The following MYO1C variants were observed in gnomAD, a reference collection of about 807,000 sequenced individuals.
MYO1C encodes unconventional myosin-Ic.
MYO1C carries 104 observed loss-of-function variants against 150.8 expected under a neutral mutation model. The observed-to-expected ratio is 0.69, with a 90% CI of 0.59 to 0.81. The LOEUF is 0.81. Among genes scored for constraint, MYO1C ranks in the 30% least tolerant of loss-of-function variants. The pLI is 0.00. For synonymous variants in MYO1C, 663 were observed against 579.9 expected (o/e 1.14, Z -2.06); for missense variants, 1,504 against 1,435.0 (o/e 1.05, Z -0.78).
At position 1,491,741 on chromosome 17, in the gene MYO1C, A is replaced by G. The variant is rs933168735; in HGVS notation, c.75+672T>C. On this transcript the variant is annotated intron_variant, in intron 1 of 31. Transcript: ENST00000648651. ...GTCGTCATCCCGGGCAGGGCCGCGCACCCTCCGGCCCCGCCCCGCCCCGCC... is the reference window on the plus strand; with the variant it reads ...GTCGTCATCCCGGGCAGGGCCGCGCGCCCTCCGGCCCCGCCCCGCCCCGCC... 9.5e-5 allele frequency: 68 copies of G among 715,480 alleles called. No homozygotes were observed. The African/African-American group carries it at 1.3e-3, about 14-fold the overall frequency. The allele number at this position is 715,480 out of a possible 1,614,324, so 44.3% of individuals were successfully genotyped here.
intron 1 of MYO1C, 114 bp downstream of exon 1, chr17:1,492,299 G>A (rs2074744270): frequency 3.8e-6 from 4 of 1,058,798 alleles, no homozygotes; most frequent in African/African-American, 1.6e-5. Context: ...CCCCGCCAAG[G>A]ATCGGAACCC....
intron 1 of MYO1C, among the ~76,000 whole-genome samples, chr17:1,488,027 G>C (rs959421545): frequency 4.6e-5 from 7 of 152,326 alleles, no homozygotes; most frequent in Admixed American, 4.6e-4. Flanking sequence ...AGGGTCAAGA[G>C]AGCCCCTCCC....
chr17:1,472,279 T>C (rs749218148), intron 17 of MYO1C, 51 bp from the exon 18 acceptor site: 1 of 1,539,302 alleles, frequency 6.5e-7, no homozygotes, highest in Non-Finnish European at 9.0e-7. Context: ...CTAAAGCTGC[T>C]GACCCCAGCA....
intron 17 of MYO1C, 97 bp downstream of exon 17, chr17:1,474,513 C>T (rs919362796): frequency 1.4e-5 from 18 of 1,260,180 alleles, no homozygotes; most frequent in Middle Eastern, 2.5e-4. Flanking sequence ...CGGGCTCACA[C>T]GCGTTCACAC....
At position 1,475,963 on chromosome 17, in the gene MYO1C, A is replaced by G. The variant is rs531821619; in HGVS notation, c.1575-931T>C. Among the ~76,000 whole-genome samples, 6 of 152,330 alleles carry G rather than the reference A, an allele frequency of 3.9e-5. No individual in the cohort carries two copies. In the South Asian group the frequency reaches 1.2e-3, roughly 32 times the overall value. ...TTATACACAAGTTCTCGACTACGAAAAAAAATGCATAGAAAAAGGCAGGAG... is the reference window on the plus strand; with the variant it reads ...TTATACACAAGTTCTCGACTACGAAGAAAAATGCATAGAAAAAGGCAGGAG... On this transcript the variant is annotated intron_variant, in intron 14 of 31. Coordinates refer to ENST00000648651, the MANE Select transcript of MYO1C (RefSeq NM_001080779.2).
At position 1,468,485 on chromosome 17, in the gene MYO1C, C is replaced by A; in HGVS notation, c.2622G>T (p.Lys874Asn). The change falls in exon 26 of 32, where the codon AAG (lysine) becomes AAT (asparagine). Residue 874 changes from lysine (K) to asparagine (N), a missense_variant. Lys to Asn is a moderately conservative substitution (Grantham distance 94). Transcript: ENST00000648651. ...CCTTGAAGATCTCACTAGCCACGGC[C>A]TTCTGCTGCAGCTGAGGAGACAAGG... ...SPEWKQQLQQ[K>N]AVASEIFKGK... 6.2e-7 allele frequency: 1 copy of A among 1,613,634 alleles called. No homozygotes were observed. Among genetic ancestry groups the A allele is most frequent in the Non-Finnish European group, 8.5e-7 (1 of 1,179,778 alleles).
intron 1 of MYO1C, among the ~76,000 whole-genome samples, chr17:1,488,960 C>A (rs1459378896): frequency 6.6e-6 from 1 of 152,228 alleles, no homozygotes; most frequent in Non-Finnish European, 1.5e-5. Context: ...AGCCTGACTT[C>A]TGCGGACAGC....
rs748266951 is a variant in MYO1C, at chr17:1,480,828, G to A, written c.685C>T (p.His229Tyr). ...AAGTTCCGCTCCCCATGATTCTGGT[G>A]CACCACTCGTGACTTTTCCAGGAGG... Reference protein sequence around the residue: ...SYLLEKSRVVHQNHGERNFHI... With the variant: ...SYLLEKSRVVYQNHGERNFHI... Residue 229 changes from histidine (H) to tyrosine (Y), a missense_variant, in exon 6 of 32, where the codon CAC becomes TAC. Transcript: ENST00000648651. The A allele has an allele frequency of 6.2e-7, 1 of 1,614,168 alleles. No individual in the cohort carries two copies. Among genetic ancestry groups the A allele is most frequent in the South Asian group, 1.1e-5 (1 of 91,084 alleles).
chr17:1,487,748 T>C (rs1395331218), intron 1 of MYO1C, among the ~76,000 whole-genome samples: 3 of 152,086 alleles, frequency 2.0e-5, no homozygotes, highest in Non-Finnish European at 1.5e-5. Flanking sequence ...CGAAACCCCC[T>C]CTCTGCTAGA....
Position 1,465,690 on chromosome 17 carries a change from G to C in MYO1C, c.*36C>G. The C allele has an allele frequency of 7.5e-7, 1 of 1,331,190 alleles. No homozygotes were observed. Among genetic ancestry groups the C allele is most frequent in the Admixed American group, 3.0e-5 (1 of 32,932 alleles). The allele number at this position is 1,331,190 out of a possible 1,614,324, so 82.5% of individuals were successfully genotyped here. On this transcript the variant is annotated 3_prime_UTR_variant, in exon 32 of 32. Transcript: ENST00000648651. ...GGAAGGGGAGGAGGAGAAAAGCAAA[G>C]CATTGGGCGTTGGGAGGGTCCAGTG... is the stretch of plus-strand genomic sequence containing the variant.
At chr17:1,469,233 G>C (rs540989885) in intron 25 of MYO1C, 19 of 442,860 alleles carry the variant, frequency 4.3e-5, no homozygotes, top group African/African-American at 3.8e-4. Flanking sequence ...GGTAGACCGG[G>C]GTCAATACTA....
Position 1,469,622 on chromosome 17 carries a change from G to A in MYO1C, c.2527-8C>T. On this transcript the variant is annotated splice_region_variant and splice_polypyrimidine_tract_variant and intron_variant, in intron 24 of 31. Coordinates refer to ENST00000648651, the MANE Select transcript of MYO1C (RefSeq NM_001080779.2). The stretch of plus-strand genomic sequence containing the variant: ...CCGCAGAAGCTCTGAGGCCTAAGGG[G>A]AGGAGTGAGGTCAGAGGTCCTGGAC... 2 of 1,605,296 alleles carry A rather than the reference G, an allele frequency of 1.2e-6. No homozygotes were observed. The highest frequency in any genetic ancestry group is 2.2e-5 in the South Asian group (2 of 90,284).
rs148040229 is a variant in MYO1C at position 1,479,835 on chromosome 17, G to A, written c.907-130C>T. 7.4e-6 allele frequency: 5 copies of A among 672,832 alleles called. No individual in the cohort carries two copies. Among genetic ancestry groups the A allele is most frequent in the Admixed American group, 4.6e-5 (2 of 43,238 alleles). 41.7% of individuals were successfully genotyped at this position (672,832 alleles called of 1,614,324 possible). On this transcript the variant is annotated intron_variant, in intron 7 of 31. Coordinates refer to ENST00000648651, the MANE Select transcript of MYO1C (RefSeq NM_001080779.2). The surrounding 1 kb of genome is among the most constrained non-coding windows in gnomAD (Gnocchi z 4.2). Reference sequence around the variant, plus strand: ...GAAGGGGCTGGAAGTGGGAATGGGTGTTAAAGGTGGAAGGTGATTCTGCGG... The same window carrying A: ...GAAGGGGCTGGAAGTGGGAATGGGTATTAAAGGTGGAAGGTGATTCTGCGG...
rs1355684093 is a variant in MYO1C at position 1,480,896 on chromosome 17, G to A, written c.628-11C>T. On this transcript the variant is annotated splice_polypyrimidine_tract_variant and intron_variant, in intron 5 of 31. Transcript: ENST00000648651. The stretch of plus-strand genomic sequence containing the variant: ...ACCCACGGGGGCACCCTGTGGGCAG[G>A]GCAGGGCATGAGGCCGGGTCACGGG... The A allele has an allele frequency of 6.2e-7, 1 of 1,613,492 alleles. No homozygotes were observed. The highest frequency in any genetic ancestry group is 8.5e-7 in the Non-Finnish European group (1 of 1,179,940).
intron 21 of MYO1C, 144 bp downstream of exon 21, chr17:1,470,927 T>A: frequency 9.7e-7 from 1 of 1,034,762 alleles, no homozygotes; most frequent in South Asian, 1.4e-5. Flanking sequence ...CATTGGACTC[T>A]CTGGAGAAGG....
chr17:1,469,000 C>T (rs374755066), intron 25 of MYO1C: 29 of 279,306 alleles, frequency 1.0e-4, no homozygotes, highest in African/African-American at 4.2e-4. Context: ...AGTTGGCCCA[C>T]GATATGAACC....
Position 1,478,582 on chromosome 17 carries a change from T to C in MYO1C, c.1212+34A>G. On this transcript the variant is annotated intron_variant, in intron 10 of 31. Coordinates refer to ENST00000648651, the MANE Select transcript of MYO1C (RefSeq NM_001080779.2). This position sits in a 1 kb window ranked among gnomAD's most constrained non-coding sequence, Gnocchi z 6.3. ...CCCCGCCTCGCCGACGGCCCTCCCT[T>C]CTGCCTTGGGAGCAGTGTGGACCGA... is the stretch of plus-strand genomic sequence containing the variant. The C allele has an allele frequency of 6.2e-7, 1 of 1,613,950 alleles. No individual in the cohort carries two copies. The highest frequency in any genetic ancestry group is 1.1e-5 in the South Asian group (1 of 91,078).
At chr17:1,480,433 A>G in intron 7 of MYO1C, 94 bp downstream of exon 7, 3 of 1,129,090 alleles carry the variant, frequency 2.7e-6, no homozygotes, top group Non-Finnish European at 4.0e-6. Context: ...GGGCAACAAG[A>G]ATGAAACTCC....
At chr17:1,483,134 T>C in intron 3 of MYO1C, 75 bp from the exon 4 acceptor site, 1 of 1,421,588 alleles carries the variant, frequency 7.0e-7, no homozygotes, top group Non-Finnish European at 9.5e-7. Flanking sequence ...CTCCCACATC[T>C]GGGTGGAGTC....
Sources: allele counts gnomAD v4.1 joint callset (sites outside exome capture counted in the v4.1 genomes callset), GRCh38; gene constraint gnomAD v4.1.1; non-coding constraint Gnocchi (gnomAD v3.1); transcripts MANE v1.5; gene names NCBI Gene and HGNC (gene_info 2026-07-23, HGNC 2026-07-21).